Variants in AFF4 observed in about 807,000 individuals in gnomAD.
The protein encoded by AFF4 is ALF transcription elongation factor 4.
AFF4 carries 13 observed loss-of-function variants against 124.8 expected under a neutral mutation model. The observed-to-expected ratio is 0.10, with a 90% CI of 0.07 to 0.17. The LOEUF is 0.17. AFF4 is among the 10% of genes least tolerant of loss of function. The pLI is 1.00. For missense variants in AFF4, 1,092 were observed against 1,403.8 expected (o/e 0.78, Z 3.55); for synonymous variants, 477 against 496.1 (o/e 0.96, Z 0.51).
In AFF4 at chr5:132,963,537, CG is replaced by C. The variant is rs1762130234; in HGVS notation, c.-284del. 2 of 398,100 alleles carry C rather than the reference CG, an allele frequency of 5.0e-6. No individual in the cohort carries two copies. The highest frequency in any genetic ancestry group is 8.9e-6 in the Non-Finnish European group (2 of 225,776). 24.7% of individuals were successfully genotyped at this position (398,100 alleles called of 1,614,324 possible). A position where few individuals can be genotyped will look rare whatever the true frequency, so the allele number is the denominator to read the frequency against. ...GGGCTGGGACAGCTGACTGAGGCGGCGGGGGCGGGTTAACGAAGACCTGGCA... is the reference window on the plus strand; with the variant it reads ...GGGCTGGGACAGCTGACTGAGGCGGCGGGGCGGGTTAACGAAGACCTGGCA... On this transcript the variant is annotated 5_prime_UTR_variant, in exon 1 of 21. Transcript: ENST00000265343.
chr5:132,908,776 A>ATATTTTTT (rs375891983), intron 5 of AFF4, among the ~76,000 whole-genome samples: 4 of 114,920 alleles, frequency 3.5e-5, no homozygotes, highest in African/African-American at 1.2e-4. Context: ...ATATATATAT[A>ATATTTTTT]TTTTTTTTTT....
At chr5:132,958,293 T>C (rs1029471686) in intron 1 of AFF4, among the ~76,000 whole-genome samples, 5 of 151,818 alleles carry the variant, frequency 3.3e-5, no homozygotes, top group Non-Finnish European at 7.4e-5. Flanking sequence ...CGAAACCCCA[T>C]TTCTACAAAA....
intron 1 of AFF4, among the ~76,000 whole-genome samples, chr5:132,958,938 T>C (rs1014451919): frequency 1.3e-5 from 2 of 152,110 alleles, no homozygotes; most frequent in Non-Finnish European, 2.9e-5. Flanking sequence ...CCCAACAACC[T>C]TGGGAAAAGA....
In AFF4 at chr5:132,934,733, A is replaced by G. The variant is rs1173452441; in HGVS notation, c.332T>C (p.Val111Ala). The change falls in exon 3 of 21, where the codon GTA (valine) becomes GCA (alanine). Residue 111 changes from valine (V) to alanine (A), a missense_variant. By Grantham distance (64) the Val-to-Ala change is moderately conservative. Transcript: ENST00000265343. ...CTGAGAAGTGCTGGGTGCGGGTCCT[A>G]CTGGAGTCCATTTGCTACTCTGATG... ...GSHQSSKWTP[V>A]GPAPSTSQSQ... is the part of the protein sequence containing the mutation. 1 of 1,613,954 alleles carries G rather than the reference A, an allele frequency of 6.2e-7. No individual in the cohort carries two copies. Among genetic ancestry groups the G allele is most frequent in the African/African-American group, 1.3e-5 (1 of 74,866 alleles).
chr5:132,891,505 A>G (rs896771367), intron 13 of AFF4, among the ~76,000 whole-genome samples: 20 of 152,216 alleles, frequency 1.3e-4, no homozygotes, highest in Admixed American at 1.2e-3. Flanking sequence ...CCTTTGATCC[A>G]AATCTCCAAC....
intron 5 of AFF4, among the ~76,000 whole-genome samples, chr5:132,915,328 A>G (rs890359012): frequency 9.2e-5 from 14 of 151,926 alleles, no homozygotes; most frequent in Admixed American, 5.9e-4. Flanking sequence ...GTGACAGAGC[A>G]AGACTGTCTC....
In AFF4 at chr5:132,962,523, T is replaced by C. The variant is rs140358220; in HGVS notation, c.-5+736A>G. On this transcript the variant is annotated intron_variant, in intron 1 of 20. Coordinates refer to ENST00000265343, the MANE Select transcript of AFF4 (RefSeq NM_014423.4). Reference sequence around the variant, plus strand: ...ATACTGTTTGTAAACGAAAAGGCAATAAGGTTACTCCCAAAACTCCTGTAC... The same window carrying C: ...ATACTGTTTGTAAACGAAAAGGCAACAAGGTTACTCCCAAAACTCCTGTAC... Among the ~76,000 whole-genome samples the C allele has an allele frequency of 3.5e-3, 533 of 152,112 alleles. 2 individuals carry two copies. Among genetic ancestry groups the C allele is most frequent in the African/African-American group, 0.012 (518 of 41,502 alleles).
chr5:132,903,287 T>C (rs1337138534), intron 6 of AFF4, among the ~76,000 whole-genome samples: 1 of 152,186 alleles, frequency 6.6e-6, no homozygotes, highest in Non-Finnish European at 1.5e-5. Flanking sequence ...ACTAAGAAAT[T>C]GATAGACAGA....
At chr5:132,933,626 C>G (rs1244424466) in intron 3 of AFF4, among the ~76,000 whole-genome samples, 3 of 152,120 alleles carry the variant, frequency 2.0e-5, no homozygotes, top group Admixed American at 6.5e-5. Context: ...AATTTCAAAC[C>G]ATCACTATGA....
intron 11 of AFF4, among the ~76,000 whole-genome samples, chr5:132,894,630 G>A (rs1212736204): frequency 6.6e-6 from 1 of 152,112 alleles, no homozygotes; most frequent in East Asian, 1.9e-4. Context: ...TTACCTCCAG[G>A]TACTGCCCTT....
chr5:132,910,077 T>C (rs1178822204), intron 5 of AFF4, among the ~76,000 whole-genome samples: 1 of 152,236 alleles, frequency 6.6e-6, no homozygotes, highest in African/African-American at 2.4e-5. Flanking sequence ...AACCAAATGT[T>C]TGGTACAGGC....
intron 6 of AFF4, 86 bp from the exon 7 acceptor site, chr5:132,902,573 A>G: frequency 9.8e-7 from 1 of 1,018,434 alleles, no homozygotes; most frequent in Non-Finnish European, 1.5e-6. Flanking sequence ...AAATAAATGT[A>G]AATCAAACAA....
At chr5:132,939,267 T>G (rs1761510954) in intron 1 of AFF4, among the ~76,000 whole-genome samples, 1 of 151,934 alleles carries the variant, frequency 6.6e-6, no homozygotes, top group Admixed American at 6.6e-5. Context: ...GTTTTCAAAT[T>G]GTTTTGTATG....
intron 1 of AFF4, among the ~76,000 whole-genome samples, chr5:132,950,635 C>T (rs566035763): frequency 3.3e-5 from 5 of 151,990 alleles, no homozygotes; most frequent in Admixed American, 6.6e-5. Flanking sequence ...GGCGACGGTG[C>T]GAGACTCCAT....
intron 1 of AFF4, among the ~76,000 whole-genome samples, chr5:132,946,112 C>T (rs1031716051): frequency 5.9e-5 from 9 of 152,050 alleles, no homozygotes; most frequent in African/African-American, 2.2e-4. Flanking sequence ...AAAAAACCCA[C>T]AATATCACTC....
At position 132,904,354 on chromosome 5, in the gene AFF4, A is replaced by G. The variant is rs1206868164; in HGVS notation, c.1087+14T>C. ...TAGCTTAATTTGAAAACAAAGAGGGAAAGAAATACTCACTTTGTTCTCCAG... is the reference window on the plus strand; with the variant it reads ...TAGCTTAATTTGAAAACAAAGAGGGGAAGAAATACTCACTTTGTTCTCCAG... On this transcript the variant is annotated intron_variant, in intron 6 of 20. Coordinates refer to ENST00000265343, the MANE Select transcript of AFF4 (RefSeq NM_014423.4). 2 of 1,606,262 alleles carry G rather than the reference A, an allele frequency of 1.2e-6. No individual in the cohort carries two copies. Among genetic ancestry groups the G allele is most frequent in the South Asian group, 2.2e-5 (2 of 90,498 alleles).
intron 1 of AFF4, among the ~76,000 whole-genome samples, chr5:132,961,700 C>T (rs559797035): frequency 6.6e-6 from 1 of 152,212 alleles, no homozygotes; most frequent in South Asian, 2.1e-4. Context: ...AGATCATGTT[C>T]CAATTAACAC....
chr5:132,948,636 C>A, intron 1 of AFF4: 1 of 171,300 alleles, frequency 5.8e-6, no homozygotes. Flanking sequence ...TGGCTGATTG[C>A]AATTTTGGCC....
chr5:132,952,518 A>C (rs562008331), intron 1 of AFF4, among the ~76,000 whole-genome samples: 11 of 152,304 alleles, frequency 7.2e-5, no homozygotes, highest in African/African-American at 2.4e-4. Flanking sequence ...AGATGTCTTC[A>C]AAAGTGGTGC....
Sources: gnomAD v4.1 joint callset for allele counts (sites outside exome capture counted in the v4.1 genomes callset) on GRCh38, gnomAD v4.1.1 for gene constraint, MANE v1.5 for transcripts, NCBI Gene and HGNC (gene_info 2026-07-23, HGNC 2026-07-21) for gene names.